FRMPD3: variants seen among roughly 807,000 people sequenced by gnomAD.
The protein encoded by FRMPD3 is FERM and PDZ domain containing 3.
In FRMPD3, 42 loss-of-function variants were observed where a neutral mutation model predicts 97.9. That is an observed-to-expected ratio of 0.43 (90% CI 0.34 to 0.55). FRMPD3 has a LOEUF of 0.55. Ranked by LOEUF, FRMPD3 falls within the 20% of genes least tolerant of loss-of-function variation. The pLI is 0.03. For missense variants in FRMPD3, 1,303 were observed against 1,457.7 expected (o/e 0.89, Z 1.73); for synonymous variants, 577 against 581.1 (o/e 0.99, Z 0.10).
chrX:107,507,932 T>C (rs759781314), intron 1 of FRMPD3, among the ~76,000 whole-genome samples: 18 of 112,443 alleles, frequency 1.6e-4, no homozygotes, highest in African/African-American at 5.5e-4. Flanking sequence ...ACCTAGTCCA[T>C]GTACAGTAAG....
intron 12 of FRMPD3, among the ~76,000 whole-genome samples, chrX:107,565,853 A>G (rs1216506738): frequency 8.9e-6 from 1 of 112,145 alleles, no homozygotes; most frequent in Non-Finnish European, 1.9e-5. Flanking sequence ...TATAGGAATG[A>G]ATATCTTGGC....
chrX:107,558,429 C>G (rs915505117), intron 8 of FRMPD3, among the ~76,000 whole-genome samples: 1 of 110,372 alleles, frequency 9.1e-6, no homozygotes, highest in African/African-American at 3.3e-5. Context: ...GAGTTCAAGA[C>G]CAGCCTGGGC....
At chrX:107,502,847 G>A (rs1398605745) in intron 1 of FRMPD3, among the ~76,000 whole-genome samples, 1 of 112,753 alleles carries the variant, frequency 8.9e-6, no homozygotes, top group Non-Finnish European at 1.9e-5. Flanking sequence ...CCCCTATGGG[G>A]CCAGGCATTA....
Position 107,504,925 on chromosome X carries a change from C to T in FRMPD3, c.-7-21657C>T, listed in dbSNP as rs774329153. Among the ~76,000 whole-genome samples, 265 of 111,990 alleles carry T rather than the reference C, an allele frequency of 2.4e-3. 2 individuals are homozygous for T. Among genetic ancestry groups the T allele is most frequent in the Non-Finnish European group, 3.9e-3 (207 of 53,170 alleles). ...TGCCCTGCTGGTTCCATTCACGTCC[C>T]CAAAACAATCTCCGAGGTTTAAGGC... On this transcript the variant is annotated intron_variant, in intron 1 of 14. Coordinates refer to ENST00000683843, the MANE Select transcript of FRMPD3 (RefSeq NM_001388459.1).
rs956529159 is a variant in FRMPD3, at chrX:107,598,204, G to A, written c.2263+62G>A. 4 of 962,597 alleles carry A rather than the reference G, an allele frequency of 4.2e-6. 1 individual carries two copies. In the South Asian group the frequency reaches 6.9e-5, roughly 17 times the overall value. The allele number at this position is 962,597 out of a possible 1,213,427, so 79.3% of individuals were successfully genotyped here. On this transcript the variant is annotated intron_variant, in intron 14 of 14. Coordinates refer to ENST00000683843, the MANE Select transcript of FRMPD3 (RefSeq NM_001388459.1). ...TCTCTTGTCCAACAAGGGCCAGTAG[G>A]TAACATTGTGTCTTCCCAAATAGGT... is the stretch of plus-strand genomic sequence containing the variant.
intron 13 of FRMPD3, among the ~76,000 whole-genome samples, chrX:107,588,389 G>T (rs1166353805): frequency 9.0e-6 from 1 of 110,564 alleles, no homozygotes; most frequent in Non-Finnish European, 1.9e-5. Flanking sequence ...CGAGTAGCTG[G>T]GATTACAGTC....
intron 3 of FRMPD3, among the ~76,000 whole-genome samples, chrX:107,531,556 A>G (rs893657611): frequency 1.5e-4 from 17 of 111,082 alleles, no homozygotes; most frequent in South Asian, 3.8e-4. Context: ...GCACCCTCTA[A>G]CTAGCTCTGG....
intron 13 of FRMPD3, among the ~76,000 whole-genome samples, chrX:107,583,678 T>C (rs1923503625): frequency 9.0e-6 from 1 of 111,383 alleles, no homozygotes; most frequent in Non-Finnish European, 1.9e-5. Flanking sequence ...TCTTCCACAA[T>C]GTTTGAACTA....
At chrX:107,504,380 C>T (rs1316288700) in intron 1 of FRMPD3, among the ~76,000 whole-genome samples, 1 of 112,315 alleles carries the variant, frequency 8.9e-6, no homozygotes, top group Admixed American at 9.4e-5. Flanking sequence ...ATCCAAGGGG[C>T]TTCAGGATTA....
At chrX:107,531,281 A>G (rs775552531) in intron 3 of FRMPD3, among the ~76,000 whole-genome samples, 3 of 109,023 alleles carry the variant, frequency 2.8e-5, no homozygotes, top group Non-Finnish European at 3.8e-5. Flanking sequence ...GAGCTTGGCT[A>G]TCTCACTCCA....
chrX:107,526,524 G>T, intron 1 of FRMPD3, 58 bp from the exon 2 acceptor site: 1 of 1,087,028 alleles, frequency 9.2e-7, no homozygotes, highest in Admixed American at 2.4e-5. Flanking sequence ...CTCCCTGCTG[G>T]TTCTGAGGCT....
In FRMPD3 at chrX:107,493,085, C is replaced by T. The variant is rs750376164; in HGVS notation, c.-7-33497C>T. 1.2e-4 allele frequency among the ~76,000 whole-genome samples: 11 copies of T among 94,174 alleles called. No homozygotes were observed. In the East Asian group the frequency reaches 1.9e-3, roughly 16 times the overall value. The allele number at this position is 94,174 out of a possible 115,157, so 81.8% of individuals were successfully genotyped here. On this transcript the variant is annotated intron_variant, in intron 1 of 14. Coordinates refer to ENST00000683843, the MANE Select transcript of FRMPD3 (RefSeq NM_001388459.1). ...GTCCCAGCTGCTGGGAAGGCTGAGG[C>T]GGGAGGATTGCTTGAGCCAGGAAGG...
At position 107,484,641 on chromosome X, in the gene FRMPD3, G is replaced by A. The variant is rs757850755; in HGVS notation, c.-8+34636G>A. 1.2e-4 allele frequency among the ~76,000 whole-genome samples: 14 copies of A among 112,209 alleles called. No homozygotes were observed. The South Asian group carries it at 5.2e-3, about 42-fold the overall frequency. ...AGCCTGGTGTGGGTCTTAACTAGGA[G>A]GAGCAGGGGAAAAGAGAGATGAGAA... On this transcript the variant is annotated intron_variant, in intron 1 of 14. Transcript: ENST00000683843.
chrX:107,487,123 G>A (rs1921526760), intron 1 of FRMPD3, among the ~76,000 whole-genome samples: 1 of 109,541 alleles, frequency 9.1e-6, no homozygotes, highest in African/African-American at 3.3e-5. Flanking sequence ...GCGTGGTGGC[G>A]GGCGCCTGTA....
At chrX:107,463,078 G>C (rs1039378687) in intron 1 of FRMPD3, among the ~76,000 whole-genome samples, 1 of 112,096 alleles carries the variant, frequency 8.9e-6, no homozygotes, top group Admixed American at 9.4e-5. Flanking sequence ...CTCACACTCA[G>C]TGTGCAATCT....
At chrX:107,496,535 T>C (rs1055535294) in intron 1 of FRMPD3, among the ~76,000 whole-genome samples, 1 of 112,259 alleles carries the variant, frequency 8.9e-6, no homozygotes, top group African/African-American at 3.2e-5. Flanking sequence ...AAGATAGTTA[T>C]TACCTAATGG....
In FRMPD3 at chrX:107,576,405, A is replaced by G; in HGVS notation, c.1387A>G (p.Met463Val). The change falls in exon 13 of 15, where the codon ATG becomes GTG. Residue 463 changes from methionine to valine, a missense_variant. Met to Val is a conservative substitution (Grantham distance 21). Around this residue, in one of 3 missense-constraint regions of FRMPD3, gnomAD observed 535 missense variants for 618.6 expected, o/e 0.86. Transcript: ENST00000683843. ...CCGCCTCTTGCTGGATTCCAGGAAG[A>G]TGGTCTTCTCCAGGCCTGCCAGCCA... ...YCRLLLDSRK[M>V]VFSRPASQPL... 8.3e-7 allele frequency: 1 copy of G among 1,210,715 alleles called. No homozygotes were observed. The highest frequency in any genetic ancestry group is 1.1e-6 in the Non-Finnish European group (1 of 895,329).
At position 107,597,728 on chromosome X, in the gene FRMPD3, G is replaced by A. The variant is rs760984663; in HGVS notation, c.1849G>A (p.Ala617Thr). 7 of 1,203,754 alleles carry A rather than the reference G, an allele frequency of 5.8e-6. No homozygotes were observed. The African/African-American group carries it at 1.2e-4, about 21-fold the overall frequency. Reference protein sequence around the residue: ...ALNFYCDSCKAKLQEQLGPRK... With the variant: ...ALNFYCDSCKTKLQEQLGPRK... ...GAATTTCTACTGTGACTCTTGCAAA[G>A]CCAAACTTCAGGAGCAGCTGGGCCC... The change falls in exon 14 of 15, where the codon GCC (alanine) becomes ACC (threonine). Residue 617 changes from alanine to threonine, a missense_variant. Physicochemically the swap from Ala to Thr is moderately conservative, Grantham distance 58 (BLOSUM62 0). Coordinates refer to ENST00000683843, the MANE Select transcript of FRMPD3 (RefSeq NM_001388459.1).
intron 8 of FRMPD3, 121 bp downstream of exon 8, chrX:107,554,625 C>T: frequency 3.3e-6 from 3 of 910,390 alleles, no homozygotes; most frequent in Non-Finnish European, 3.0e-6. Context: ...CCTGAAGGCC[C>T]TTTCCTTCCT....
Sources: gnomAD v4.1 joint callset for allele counts (sites outside exome capture counted in the v4.1 genomes callset) on GRCh38, gnomAD v4.1.1 for gene constraint, gnomAD v4.1.1 regional missense constraint, MANE v1.5 for transcripts, NCBI Gene and HGNC (gene_info 2026-07-23, HGNC 2026-07-21) for gene names.